The following SLC35D4 variants were observed in gnomAD, a reference collection of about 807,000 sequenced individuals.
SLC35D4 encodes the protein solute carrier family 35 member D4, also known as UDP-N-acetylglucosamine transporter SLC35D4.
At chr18:23,329,734 G>T in the SLC35D4 span, among the ~76,000 whole-genome samples, 2 of 152,088 alleles carry the variant, frequency 1.3e-5, no homozygotes, top group Non-Finnish European at 2.9e-5. Context: ...ATAAATCATG[G>T]TACTATAAAG....
the SLC35D4 span, among the ~76,000 whole-genome samples, chr18:23,312,017 C>T: frequency 6.6e-6 from 1 of 152,338 alleles, no homozygotes; most frequent in South Asian, 2.1e-4. Context: ...GAACACTTCG[C>T]TTGATTTATA....
At chr18:23,275,857 CG>C in the SLC35D4 span, among the ~76,000 whole-genome samples, 1 of 152,138 alleles carries the variant, frequency 6.6e-6, no homozygotes, top group South Asian at 2.1e-4. Context: ...GAACAGATGT[CG>C]TGTGACTCCA....
At chr18:23,339,811 C>G in the SLC35D4 span, among the ~76,000 whole-genome samples, 2 of 152,138 alleles carry the variant, frequency 1.3e-5, no homozygotes, top group South Asian at 4.1e-4. Flanking sequence ...CTCTCTGGGA[C>G]CTCTTTTACA....
At chr18:23,289,829 A>G in the SLC35D4 span, among the ~76,000 whole-genome samples, 1 of 151,986 alleles carries the variant, frequency 6.6e-6, no homozygotes, top group Non-Finnish European at 1.5e-5. Flanking sequence ...CCTGGCTCAA[A>G]AGCTCCCCTA....
At chr18:23,311,214 C>T in the SLC35D4 span, among the ~76,000 whole-genome samples, 2 of 151,736 alleles carry the variant, frequency 1.3e-5, no homozygotes, top group Non-Finnish European at 2.9e-5. Flanking sequence ...GCACTCCTCC[C>T]GAGTAGCTGG....
At chr18:23,317,154 TACACAC>T in the SLC35D4 span, among the ~76,000 whole-genome samples, 5 of 149,912 alleles carry the variant, frequency 3.3e-5, no homozygotes, top group South Asian at 2.1e-4. Context: ...TGGGAGAAGT[TACACAC>T]ACACACACAC....
At chr18:23,368,807 A>G in the SLC35D4 span, 3 of 1,127,984 alleles carry the variant, frequency 2.7e-6, no homozygotes, top group Middle Eastern at 2.2e-4. Flanking sequence ...TTTTAAATAC[A>G]TAAAATAATC....
the SLC35D4 span, among the ~76,000 whole-genome samples, chr18:23,386,948 C>T: frequency 3.9e-5 from 6 of 152,124 alleles, no homozygotes; most frequent in South Asian, 2.1e-4. Flanking sequence ...CTCGCTCTGC[C>T]GCCTGGGCTG....
At chr18:23,313,492 T>G in the SLC35D4 span, among the ~76,000 whole-genome samples, 903 of 152,258 alleles carry the variant, frequency 5.9e-3, 3 homozygotes, top group African/African-American at 0.02. Context: ...CTTTAATTCC[T>G]GACTTCCAGC....
chr18:23,357,227 T>G, the SLC35D4 span, among the ~76,000 whole-genome samples: 1 of 152,202 alleles, frequency 6.6e-6, no homozygotes, highest in African/African-American at 2.4e-5. Flanking sequence ...GTTTAATGAC[T>G]GCAAGAACAG....
chr18:23,386,124 C>CAAAAA, the SLC35D4 span, among the ~76,000 whole-genome samples: 5 of 40,968 alleles, frequency 1.2e-4, no homozygotes, highest in African/African-American at 1.8e-4. Flanking sequence ...GACTCTGTCT[C>CAAAAA]AAAAAAAAAA....
chr18:23,400,057 A>C, the SLC35D4 span, among the ~76,000 whole-genome samples: 2 of 152,348 alleles, frequency 1.3e-5, no homozygotes, highest in South Asian at 4.1e-4. Flanking sequence ...CCGTGGAATC[A>C]CAACAAAAAG....
At chr18:23,324,961 G>C in the SLC35D4 span, among the ~76,000 whole-genome samples, 4 of 152,168 alleles carry the variant, frequency 2.6e-5, no homozygotes, top group African/African-American at 9.7e-5. Context: ...TTAAAGAAGA[G>C]GGGCAGCTGG....
the SLC35D4 span, among the ~76,000 whole-genome samples, chr18:23,389,380 T>C: frequency 6.6e-6 from 1 of 152,230 alleles, no homozygotes; most frequent in East Asian, 1.9e-4. Context: ...TATGCCTTTT[T>C]TAAAAAGGCT....
the SLC35D4 span, among the ~76,000 whole-genome samples, chr18:23,347,129 G>A: frequency 6.6e-6 from 1 of 151,974 alleles, no homozygotes; most frequent in Admixed American, 6.6e-5. Flanking sequence ...AAGCCAACTG[G>A]GGCTGAGCTT....
chr18:23,313,620 C>T, the SLC35D4 span, among the ~76,000 whole-genome samples: 1 of 152,196 alleles, frequency 6.6e-6, no homozygotes, highest in Non-Finnish European at 1.5e-5. Flanking sequence ...GCCACCTCCC[C>T]ATCATTTGCT....
At chr18:23,361,310 C>T in the SLC35D4 span, among the ~76,000 whole-genome samples, 2 of 151,922 alleles carry the variant, frequency 1.3e-5, no homozygotes, top group Admixed American at 6.6e-5. Flanking sequence ...ACACTCAGGC[C>T]CCACTGCAGA....
chr18:23,394,280 T>C, the SLC35D4 span, among the ~76,000 whole-genome samples: 1 of 152,208 alleles, frequency 6.6e-6, no homozygotes, highest in Non-Finnish European at 1.5e-5. Context: ...TCTCCTATAG[T>C]TCTGATTTGC....
the SLC35D4 span, among the ~76,000 whole-genome samples, chr18:23,434,759 A>G: frequency 7.2e-5 from 11 of 152,060 alleles, no homozygotes; most frequent in African/African-American, 2.7e-4. Flanking sequence ...GCACCACTGC[A>G]CTCCAGCCTG....
Sources: gnomAD v4.1 joint callset for allele counts (sites outside exome capture counted in the v4.1 genomes callset) on GRCh38, gnomAD v4.1.1 for gene constraint, MANE v1.5 for transcripts, NCBI Gene and HGNC (gene_info 2026-07-23, HGNC 2026-07-21) for gene names.